SOX13: variants seen among roughly 807,000 people sequenced by gnomAD.
SOX13 encodes the protein SRY-box transcription factor 13.
Under a neutral mutation model 71.8 loss-of-function variants are expected in SOX13, and 28 were observed. The ratio of observed to expected loss-of-function variants is 0.39; its 90% CI spans 0.29 to 0.53. SOX13 has a LOEUF of 0.53. SOX13 is among the 20% of genes least tolerant of loss of function. SOX13 has a pLI of 0.70. For synonymous variants in SOX13, 309 were observed against 317.8 expected (o/e 0.97, Z 0.29); for missense variants, 627 against 810.3 (o/e 0.77, Z 2.75).
intron 1 of SOX13, among the ~76,000 whole-genome samples, chr1:204,098,743 G>T (rs979042026): frequency 2.0e-5 from 3 of 152,188 alleles, no homozygotes; most frequent in African/African-American, 7.2e-5. Context: ...TGTAAGGGGA[G>T]TCAGGGTCTG....
At chr1:204,094,679 C>T (rs921233506) in intron 1 of SOX13, among the ~76,000 whole-genome samples, 7 of 152,206 alleles carry the variant, frequency 4.6e-5, no homozygotes, top group African/African-American at 1.7e-4. Flanking sequence ...GGCGGGCTGC[C>T]ATCAGCTCTT....
At chr1:204,105,508 C>T (rs1263730261) in intron 1 of SOX13, among the ~76,000 whole-genome samples, 2 of 151,570 alleles carry the variant, frequency 1.3e-5, no homozygotes, top group East Asian at 1.9e-4. Context: ...TGGGTTTGAG[C>T]GATTCTCCTG....
intron 1 of SOX13, among the ~76,000 whole-genome samples, chr1:204,112,286 C>G (rs1656593325): frequency 6.6e-6 from 1 of 152,064 alleles, no homozygotes; most frequent in African/African-American, 2.4e-5. Context: ...ACTAAAAATA[C>G]AAATATTAGT....
At chr1:204,117,039 A>G (rs1656708985) in intron 5 of SOX13, 83 bp from the exon 6 acceptor site, 1 of 1,375,276 alleles carries the variant, frequency 7.3e-7, no homozygotes, top group Admixed American at 1.9e-5. Flanking sequence ...CACTGTAGAA[A>G]GCAGGGTGTG....
chr1:204,110,825 A>AT (rs377661191), intron 1 of SOX13, among the ~76,000 whole-genome samples: 157 of 151,876 alleles, frequency 1.0e-3, no homozygotes, highest in Middle Eastern at 3.4e-3. Flanking sequence ...GGTTTAAGGA[A>AT]TTTTTTTACT....
At chr1:204,105,065 G>A (rs146952160) in intron 1 of SOX13, among the ~76,000 whole-genome samples, 6 of 152,248 alleles carry the variant, frequency 3.9e-5, no homozygotes, top group African/African-American at 9.6e-5. Context: ...GAAGAGGATC[G>A]GCACCTGCAG....
At chr1:204,122,059 C>T (rs1362643051) in intron 8 of SOX13, 74 bp downstream of exon 8, 11 of 1,178,950 alleles carry the variant, frequency 9.3e-6, no homozygotes, top group Non-Finnish European at 1.1e-5. Flanking sequence ...TAGGGAACTG[C>T]GGGGTGTGGA....
chr1:204,090,054 G>A (rs1403170777), intron 1 of SOX13, among the ~76,000 whole-genome samples: 2 of 152,188 alleles, frequency 1.3e-5, no homozygotes, highest in Non-Finnish European at 2.9e-5. Context: ...GGCCTCTGGT[G>A]GGAGCCCAGG....
rs34758764 is a variant in SOX13, at chr1:204,125,859, C to T, written c.1594C>T (p.Pro532Ser). The T allele has an allele frequency of 0.014, 22,379 of 1,608,492 alleles. 199 individuals carry two copies. The highest frequency in any genetic ancestry group is 0.021 in the Middle Eastern group (126 of 6,056). ...CCGTTCCCCTTCTCTGCCCCACAGC[C>T]CGCAGGCTGGCCAGGTGCAGATGAG... ...QDARQSYVIP[P>S]QAGQVQMSSS... The change falls in exon 14 of 14, where the codon CCG becomes TCG. Residue 532 changes from proline to serine, a missense_variant and splice_region_variant. Coordinates refer to ENST00000367204, the MANE Select transcript of SOX13 (RefSeq NM_005686.3).
intron 1 of SOX13, among the ~76,000 whole-genome samples, chr1:204,112,503 A>G (rs867356810): frequency 6.7e-5 from 5 of 74,628 alleles, no homozygotes; most frequent in African/African-American, 1.8e-4. Flanking sequence ...ACATGCGTGC[A>G]CACACACACA....
rs115568414 is a variant in SOX13, at chr1:204,105,806, A to C, written c.-1-7109A>C. Among the ~76,000 whole-genome samples the C allele has an allele frequency of 8.2e-3, 1,243 of 152,276 alleles. 13 individuals are homozygous for C. Among genetic ancestry groups the C allele is most frequent in the African/African-American group, 0.027 (1,120 of 41,554 alleles). ...TGTGTTGAGGTTGGGCAAGAGAGGAAACTGGGCACGCAGGAGCACTTCCAT... is the reference window on the plus strand; with the variant it reads ...TGTGTTGAGGTTGGGCAAGAGAGGACACTGGGCACGCAGGAGCACTTCCAT... On this transcript the variant is annotated intron_variant, in intron 1 of 13. Coordinates refer to ENST00000367204, the MANE Select transcript of SOX13 (RefSeq NM_005686.3).
intron 1 of SOX13, among the ~76,000 whole-genome samples, chr1:204,097,754 C>T (rs1031288499): frequency 2.6e-5 from 4 of 151,042 alleles, no homozygotes; most frequent in African/African-American, 9.7e-5. Flanking sequence ...AAAACAAAAC[C>T]ACCTTCAGAA....
At position 204,126,553 on chromosome 1, in the gene SOX13, A is replaced by T. The variant is rs1333978983; in HGVS notation, c.*419A>T. On this transcript the variant is annotated 3_prime_UTR_variant, in exon 14 of 14. Coordinates refer to ENST00000367204, the MANE Select transcript of SOX13 (RefSeq NM_005686.3). Reference sequence around the variant, plus strand: ...CAACACCCCTCCCACACTCCCCCAGACTGCTCGTCTATCACCAGGATCGCT... The same window carrying T: ...CAACACCCCTCCCACACTCCCCCAGTCTGCTCGTCTATCACCAGGATCGCT... 3 of 229,724 alleles carry T rather than the reference A, an allele frequency of 1.3e-5. No homozygotes were observed. Among genetic ancestry groups the T allele is most frequent in the Non-Finnish European group, 2.6e-5 (3 of 115,440 alleles). 14.2% of individuals were successfully genotyped at this position (229,724 alleles called of 1,614,324 possible).
intron 1 of SOX13, among the ~76,000 whole-genome samples, chr1:204,087,876 T>C (rs754500144): frequency 2.6e-5 from 4 of 152,320 alleles, no homozygotes; most frequent in African/African-American, 7.2e-5. Flanking sequence ...CTCCTCAGAT[T>C]TGGCAGATGA....
At chr1:204,124,388 T>TCAA (rs1656875671) in intron 12 of SOX13, among the ~76,000 whole-genome samples, 1 of 152,216 alleles carries the variant, frequency 6.6e-6, no homozygotes, top group East Asian at 1.9e-4. Flanking sequence ...CTCAAGGAAG[T>TCAA]TGCTGGATTG....
At chr1:204,079,311 TCCAG>T (rs1033052626) in intron 1 of SOX13, among the ~76,000 whole-genome samples, 46 of 147,740 alleles carry the variant, frequency 3.1e-4, no homozygotes. Context: ...AAGATTTCTG[TCCAG>T]CCTGTGGTGT....
chr1:204,109,172 G>A (rs939403576), intron 1 of SOX13, among the ~76,000 whole-genome samples: 2 of 152,166 alleles, frequency 1.3e-5, no homozygotes, highest in Non-Finnish European at 2.9e-5. Context: ...GTGGGATGGG[G>A]CCTTTGTACT....
chr1:204,125,696 A>G (rs575331292), intron 13 of SOX13, among the ~76,000 whole-genome samples, 162 bp from the exon 14 acceptor site: 1 of 152,374 alleles, frequency 6.6e-6, no homozygotes, highest in East Asian at 1.9e-4. Flanking sequence ...CGTAGGTGCC[A>G]GTGAATTTGG....
Position 204,125,972 on chromosome 1 carries a change from C to T in SOX13, c.1707C>T (p.Pro569=). ...ACTATGTCCCTCGTAGCCTGGACCC[C>T]AACATGCCTGTGATCGTCAACACCT... is the stretch of plus-strand genomic sequence containing the variant. The part of the protein sequence containing the change: ...VEHYVPRSLD[P]NMPVIVNTCS... The change falls in exon 14 of 14, where the codon CCC becomes CCT. Residue 569 remains proline, a synonymous_variant. Coordinates refer to ENST00000367204, the MANE Select transcript of SOX13 (RefSeq NM_005686.3). 1 of 1,613,958 alleles carries T rather than the reference C, an allele frequency of 6.2e-7. No individual in the cohort carries two copies. The highest frequency in any genetic ancestry group is 8.5e-7 in the Non-Finnish European group (1 of 1,179,896).
Sources: allele counts gnomAD v4.1 joint callset (sites outside exome capture counted in the v4.1 genomes callset), GRCh38; gene constraint gnomAD v4.1.1; transcripts MANE v1.5; gene names NCBI Gene and HGNC (gene_info 2026-07-23, HGNC 2026-07-21).